Variants in FHL2 observed in about 807,000 individuals in gnomAD.
FHL2 encodes four and a half LIM domains 2.
A neutral mutation model predicts 32.7 loss-of-function variants in FHL2; 20 were observed. The observed-to-expected ratio is 0.61, with a 90% CI of 0.43 to 0.89. The LOEUF (loss-of-function observed/expected upper bound fraction) is 0.89. Among genes scored for constraint, FHL2 ranks in the 40% least tolerant of loss-of-function variants. The probability of loss-of-function intolerance (pLI) is 0.00; values close to 1 mark genes in which losing one functional copy is unlikely to be tolerated. For missense variants in FHL2, 311 were observed against 358.6 expected (o/e 0.87, Z 1.07); for synonymous variants, 123 against 128.1 (o/e 0.96, Z 0.27).
rs534643732 is a variant in FHL2, at chr2:105,422,125, G to A, written c.-25+16274C>T. Among the ~76,000 whole-genome samples, 36 of 152,312 alleles carry A rather than the reference G, an allele frequency of 2.4e-4. 1 individual carries two copies. The Middle Eastern group carries it at 0.017, about 72-fold the overall frequency. ...TGCATGTCCAGCAGCAATCTTGGCC[G>A]CGTTGTGGACCAGAAAGGAAAAGCC... On this transcript the variant is annotated intron_variant, in intron 1 of 5. Coordinates refer to the FHL2 transcript ENST00000393352.
intron 1 of FHL2, among the ~76,000 whole-genome samples, chr2:105,432,120 G>T (rs188904300): frequency 6.6e-6 from 1 of 152,214 alleles, no homozygotes; most frequent in Non-Finnish European, 1.5e-5. Flanking sequence ...TGCCTGCAGA[G>T]ATTTTCCTTC....
chr2:105,403,772 T>G (rs1683545142), upstream of FHL2, among the ~76,000 whole-genome samples: 3 of 152,168 alleles, frequency 2.0e-5, no homozygotes, highest in Admixed American at 2.0e-4. Flanking sequence ...GAAATAGAGA[T>G]AGACTAAACA....
At chr2:105,363,584 T>TAAG in intron 5 of FHL2, 113 bp from the exon 6 acceptor site, 4 of 995,110 alleles carry the variant, frequency 4.0e-6, no homozygotes, top group Non-Finnish European at 5.9e-6. Flanking sequence ...TCCAGTTTGT[T>TAAG]AAGTCACCAA....
At chr2:105,424,527 G>T (rs1054920201) in intron 1 of FHL2, among the ~76,000 whole-genome samples, 2 of 152,170 alleles carry the variant, frequency 1.3e-5, no homozygotes, top group Admixed American at 1.3e-4. Flanking sequence ...CCATTACTGG[G>T]TATATACCCA....
chr2:105,418,294 A>C (rs1322598915), intron 1 of FHL2, among the ~76,000 whole-genome samples: 1 of 152,122 alleles, frequency 6.6e-6, no homozygotes, highest in East Asian at 1.9e-4. Context: ...TTCTGGTTTG[A>C]AAGATGTGGG....
chr2:105,367,653 T>A lies in FHL2; in HGVS notation c.418A>T (p.Ser140Cys), dbSNP rs895137290. Residue 140 changes from serine to cysteine, a missense_variant, in exon 5 of 7, where the codon AGT becomes TGT. By Grantham distance (112) the Ser-to-Cys change is moderately radical (BLOSUM62 -1). Coordinates refer to ENST00000530340, the MANE Select transcript of FHL2 (RefSeq NM_001318895.3). ...TTCTGATTGTCTTTGGGGATGAAAC[T>A]CTTGGTTCCAATTGGCTGCTGGCAG... ...HRCQQPIGTK[S>C]FIPKDNQNFC... is the part of the protein sequence containing the mutation. 10 of 1,614,226 alleles carry A rather than the reference T, an allele frequency of 6.2e-6. No individual in the cohort carries two copies. Among genetic ancestry groups the A allele is most frequent in the Non-Finnish European group, 8.5e-6 (10 of 1,180,038 alleles).
In FHL2 at chr2:105,376,474, C is replaced by G. The variant is rs75558733; in HGVS notation, c.157-2741G>C. The G allele has an allele frequency of 3.3e-5, 5 of 152,328 alleles. No individual in the cohort carries two copies. The East Asian group carries it at 9.6e-4, about 29-fold the overall frequency. 9.4% of individuals were successfully genotyped at this position (152,328 alleles called of 1,614,324 possible). ...AGACTTTGAATAAAATTGAACAAAT[C>G]ATTAGAAGCCCTATCCACCCAAAAC... On this transcript the variant is annotated intron_variant, in intron 3 of 6. Coordinates refer to ENST00000530340, the MANE Select transcript of FHL2 (RefSeq NM_001318895.3).
intron 1 of FHL2, among the ~76,000 whole-genome samples, chr2:105,416,999 A>T (rs1002642749): frequency 5.9e-5 from 9 of 152,236 alleles, no homozygotes; most frequent in Admixed American, 4.6e-4. Context: ...GGGCCACTGC[A>T]CAACTTCCTT....
chr2:105,379,581 A>G (rs1681730143), intron 3 of FHL2, among the ~76,000 whole-genome samples: 2 of 152,228 alleles, frequency 1.3e-5, no homozygotes, highest in African/African-American at 4.8e-5. Flanking sequence ...TGTTTTCTCC[A>G]ACATTCCCAC....
chr2:105,362,728 G>A (rs1680364084), intron 6 of FHL2, among the ~76,000 whole-genome samples: 1 of 152,206 alleles, frequency 6.6e-6, no homozygotes, highest in East Asian at 1.9e-4. Context: ...TCTCCAGCCT[G>A]CTTAATAGTC....
chr2:105,397,016 T>TG (rs1037177978), intron 1 of FHL2: 23 of 225,088 alleles, frequency 1.0e-4, no homozygotes, highest in African/African-American at 3.8e-4. Context: ...GTCTGTTTTT[T>TG]TTTTTTTTTT....
intron 3 of FHL2, among the ~76,000 whole-genome samples, chr2:105,385,636 C>T (rs540774208): frequency 9.9e-5 from 15 of 152,242 alleles, no homozygotes; most frequent in East Asian, 9.7e-4. Flanking sequence ...AAGCCGTTTG[C>T]GGGTGAAGGT....
At chr2:105,392,404 C>T (rs547202322) in intron 2 of FHL2, among the ~76,000 whole-genome samples, 4 of 151,974 alleles carry the variant, frequency 2.6e-5, no homozygotes, top group South Asian at 2.1e-4. Flanking sequence ...CCCAGGAGGT[C>T]GAGGCTGCAG....
intron 1 of FHL2, among the ~76,000 whole-genome samples, chr2:105,435,814 T>C (rs1684591423): frequency 6.6e-6 from 1 of 152,118 alleles, no homozygotes; most frequent in Admixed American, 6.6e-5. Context: ...AGAGTGAGAC[T>C]CCTTCTCAAA....
At position 105,414,318 on chromosome 2, in the gene FHL2, A is replaced by C. The variant is rs186830901; in HGVS notation, c.-25+24081T>G. Among the ~76,000 whole-genome samples the C allele has an allele frequency of 9.1e-4, 138 of 152,156 alleles. 3 individuals are homozygous for C. Among genetic ancestry groups the C allele is most frequent in the African/African-American group, 3.1e-3 (128 of 41,504 alleles). On this transcript the variant is annotated intron_variant, in intron 1 of 5. Coordinates refer to the FHL2 transcript ENST00000393352. ...TTCATGGAGGCTTCATTGCATAGGC[A>C]TGATTGATTAGACCATTGGCCACTA...
rs192684954 is a variant in FHL2, at chr2:105,425,050, G to A, written c.-25+13349C>T. Among the ~76,000 whole-genome samples, 36 of 152,244 alleles carry A rather than the reference G, an allele frequency of 2.4e-4. 1 individual carries two copies. The highest frequency in any genetic ancestry group is 8.7e-4 in the African/African-American group (36 of 41,544). On this transcript the variant is annotated intron_variant, in intron 1 of 5. Coordinates refer to the FHL2 transcript ENST00000393352. ...TTGTAGGGAAAAGAAAGAGAGATCA[G>A]ACTGTCACTGTGTCTATGTAGAAAG...
chr2:105,419,719 G>C (rs1470858563), intron 1 of FHL2, among the ~76,000 whole-genome samples: 5 of 152,024 alleles, frequency 3.3e-5, no homozygotes, highest in Non-Finnish European at 4.4e-5. Flanking sequence ...TAAACTCCTG[G>C]GTCTAACAGC....
intron 1 of FHL2, among the ~76,000 whole-genome samples, chr2:105,406,686 T>G (rs1683639764): frequency 6.6e-6 from 1 of 152,212 alleles, no homozygotes; most frequent in Non-Finnish European, 1.5e-5. Context: ...GGTTTTCTTT[T>G]TCTAAGAATA....
chr2:105,360,301 C>CAA (rs878876756), downstream of FHL2: 3,076 of 101,014 alleles, frequency 0.03, 111 homozygotes, highest in African/African-American at 0.081. Context: ...GACTCTGTCT[C>CAA]AAAAAAAAAA....
Sources: gnomAD v4.1 joint callset for allele counts (sites outside exome capture counted in the v4.1 genomes callset) on GRCh38, gnomAD v4.1.1 for gene constraint, MANE v1.5 for transcripts, NCBI Gene and HGNC (gene_info 2026-07-23, HGNC 2026-07-21) for gene names.